MTOR: variants seen among roughly 807,000 people sequenced by gnomAD.
The protein encoded by MTOR is serine/threonine-protein kinase mTOR.
In MTOR, 70 loss-of-function variants were observed where a neutral mutation model predicts 319.8. That is an observed-to-expected ratio of 0.22 (90% CI 0.18 to 0.27). MTOR has a LOEUF of 0.27. Among genes scored for constraint, MTOR ranks in the 10% least tolerant of loss-of-function variants. MTOR has a pLI of 1.00. For missense variants in MTOR, 1,890 were observed against 3,274.4 expected (o/e 0.58, Z 10.32); for synonymous variants, 1,183 against 1,211.4 (o/e 0.98, Z 0.49).
At chr1:11,186,731 C>T (rs556245670) in intron 28 of MTOR, among the ~76,000 whole-genome samples, 1 of 152,310 alleles carries the variant, frequency 6.6e-6, no homozygotes, top group African/African-American at 2.4e-5. Context: ...AAAACAAGGA[C>T]TTCTTTTTCC....
At chr1:11,122,729 G>A (rs1444009799) in intron 47 of MTOR, among the ~76,000 whole-genome samples, 6 of 151,504 alleles carry the variant, frequency 4.0e-5, no homozygotes, top group African/African-American at 1.2e-4. Flanking sequence ...GACTGGTCTC[G>A]AACTCCTGAC....
intron 30 of MTOR, among the ~76,000 whole-genome samples, chr1:11,154,009 C>A (rs1347611102): frequency 8.2e-6 from 1 of 121,756 alleles, no homozygotes; most frequent in Non-Finnish European, 1.6e-5. Flanking sequence ...GTGAAGGTTG[C>A]AGTGAGCCGA....
intron 24 of MTOR, among the ~76,000 whole-genome samples, chr1:11,210,584 T>A (rs1646278756): frequency 6.6e-6 from 1 of 152,184 alleles, no homozygotes; most frequent in Non-Finnish European, 1.5e-5. Context: ...AAAGTTTTAG[T>A]GGAATGCAGC....
At position 11,188,614 on chromosome 1, in the gene MTOR, T is replaced by C. The variant is rs371589971; in HGVS notation, c.4253+10644A>G. Among the ~76,000 whole-genome samples, 51 of 152,360 alleles carry C rather than the reference T, an allele frequency of 3.3e-4. No individual in the cohort carries two copies. In the South Asian group the frequency reaches 8.5e-3, roughly 25 times the overall value. On this transcript the variant is annotated intron_variant, in intron 28 of 57. Transcript: ENST00000361445. The stretch of plus-strand genomic sequence containing the variant: ...CTTGGCACTGCTGAGTTTTCATCTC[T>C]GTTGTAATCTTCTGACACCTCCTTG...
At chr1:11,232,666 GGA>G in intron 15 of MTOR, 138 bp from the exon 16 acceptor site, 1 of 627,512 alleles carries the variant, frequency 1.6e-6, no homozygotes, top group Non-Finnish European at 2.8e-6. Context: ...CCTGGCATCA[GGA>G]GCTCCAGACC....
rs1436912262 is a variant in MTOR at position 11,126,803 on chromosome 1, A to G, written c.6352-7T>C. 2 of 1,612,538 alleles carry G rather than the reference A, an allele frequency of 1.2e-6. No homozygotes were observed. Among genetic ancestry groups the G allele is most frequent in the Non-Finnish European group, 1.7e-6 (2 of 1,179,386 alleles). Reference sequence around the variant, plus strand: ...GCAGCTCTAAGGATGTGAGCTGTAAATAATTACCAAAGGATTTAGTGTTCT... The same window carrying G: ...GCAGCTCTAAGGATGTGAGCTGTAAGTAATTACCAAAGGATTTAGTGTTCT... On this transcript the variant is annotated splice_region_variant and splice_polypyrimidine_tract_variant and intron_variant, in intron 45 of 57. Coordinates refer to ENST00000361445, the MANE Select transcript of MTOR (RefSeq NM_004958.4).
intron 30 of MTOR, among the ~76,000 whole-genome samples, chr1:11,153,621 C>T (rs1644221360): frequency 2.6e-5 from 4 of 152,100 alleles, no homozygotes; most frequent in Non-Finnish European, 5.9e-5. Context: ...TTTCTTTTGC[C>T]TTAGATCAGT....
chr1:11,244,932 G>A (rs1040805130), intron 8 of MTOR, among the ~76,000 whole-genome samples: 1 of 152,126 alleles, frequency 6.6e-6, no homozygotes, highest in Non-Finnish European at 1.5e-5. Context: ...ATTCTATGAT[G>A]TTCACACAAG....
chr1:11,204,832 G>C (rs1424516004), intron 25 of MTOR, 129 bp from the exon 26 acceptor site: 2 of 1,081,860 alleles, frequency 1.8e-6, no homozygotes, highest in Non-Finnish European at 2.6e-6. Context: ...AATTCCCCTA[G>C]AGTACAAATA....
chr1:11,249,101 G>C (rs985482151), intron 6 of MTOR, among the ~76,000 whole-genome samples: 18 of 152,018 alleles, frequency 1.2e-4, no homozygotes, highest in Non-Finnish European at 1.9e-4. Flanking sequence ...GCACATGCCT[G>C]TACTCCCAGC....
chr1:11,194,668 T>TG (rs577199443), intron 28 of MTOR: 1 of 1,614,096 alleles, frequency 6.2e-7, no homozygotes, highest in Non-Finnish European at 8.5e-7. Flanking sequence ...AGGTGAGATT[T>TG]GGGGGGACCG....
At chr1:11,220,920 A>G (rs566665473) in intron 19 of MTOR, among the ~76,000 whole-genome samples, 3 of 152,350 alleles carry the variant, frequency 2.0e-5, no homozygotes, top group South Asian at 4.1e-4. Context: ...CAGAAGCTAG[A>G]CGTTGCTAGA....
intron 3 of MTOR, among the ~76,000 whole-genome samples, chr1:11,257,566 G>GAAAAA (rs70977557): frequency 1.5e-5 from 1 of 64,842 alleles, no homozygotes; most frequent in African/African-American, 5.8e-5. Context: ...CTGTCTCAGA[G>GAAAAA]AAAAAAAAAA....
intron 19 of MTOR, among the ~76,000 whole-genome samples, chr1:11,220,072 A>AG (rs386366227): frequency 6.6e-6 from 1 of 150,718 alleles, no homozygotes; most frequent in Non-Finnish European, 1.5e-5. Context: ...AAAGAAAAAA[A>AG]AAATAGAAGG....
chr1:11,233,134 T>C lies in MTOR; in HGVS notation c.2421+264A>G, dbSNP rs1189872163. On this transcript the variant is annotated intron_variant, in intron 15 of 57. Transcript: ENST00000361445. ...GGTCTATAAGGAATTGCACATGAGATGGCACACACATTTATGCTGTCTGAA... is the reference window on the plus strand; with the variant it reads ...GGTCTATAAGGAATTGCACATGAGACGGCACACACATTTATGCTGTCTGAA... 8.9e-6 allele frequency: 10 copies of C among 1,120,834 alleles called. 1 individual carries two copies. The South Asian group carries it at 9.9e-5, about 11-fold the overall frequency. The allele number at this position is 1,120,834 out of a possible 1,614,324, so 69.4% of individuals were successfully genotyped here. A position where few individuals can be genotyped will look rare whatever the true frequency, so the allele number is the denominator to read the frequency against.
intron 31 of MTOR, among the ~76,000 whole-genome samples, chr1:11,147,433 T>C (rs924438671): frequency 1.3e-5 from 2 of 152,230 alleles, no homozygotes; most frequent in Admixed American, 1.3e-4. Flanking sequence ...TCACTTCTCC[T>C]GGTGGGGTGA....
intron 15 of MTOR, 102 bp downstream of exon 15, chr1:11,233,296 T>G: frequency 6.6e-6 from 7 of 1,061,814 alleles, no homozygotes; most frequent in East Asian, 2.4e-5. Flanking sequence ...AATAAATATG[T>G]GAGACCTTTC....
At chr1:11,143,794 G>A (rs1308608535) in intron 34 of MTOR, 5 of 152,104 alleles carry the variant, frequency 3.3e-5, no homozygotes, top group East Asian at 1.9e-4. Flanking sequence ...TTATAATTGC[G>A]GGGATGGATT....
chr1:11,153,486 T>A (rs968942575), intron 30 of MTOR, among the ~76,000 whole-genome samples: 1 of 152,216 alleles, frequency 6.6e-6, no homozygotes, highest in Non-Finnish European at 1.5e-5. Flanking sequence ...TTGATTAGAG[T>A]TGAATTTTAA....
Sources: allele counts gnomAD v4.1 joint callset (sites outside exome capture counted in the v4.1 genomes callset), GRCh38; gene constraint gnomAD v4.1.1; transcripts MANE v1.5; gene names NCBI Gene and HGNC (gene_info 2026-07-23, HGNC 2026-07-21).